CSMD1: variants seen among roughly 807,000 people sequenced by gnomAD.
The protein encoded by CSMD1 is CUB and Sushi multiple domains 1, also known as CUB and sushi domain-containing protein 1.
Under a neutral mutation model 417.5 loss-of-function variants are expected in CSMD1, and 213 were observed. The ratio of observed to expected loss-of-function variants is 0.51; its 90% CI spans 0.46 to 0.57. CSMD1 has a LOEUF of 0.57. Ranked by LOEUF, CSMD1 falls within the 20% of genes least tolerant of loss-of-function variation. The pLI, the probability that CSMD1 is intolerant of heterozygous loss-of-function variation, is 0.00. For synonymous variants in CSMD1, 2,862 were observed against 1,736.8 expected, an observed-to-expected ratio of 1.65 and a Z score of -16.11; for missense variants, 6,923 against 4,529.7, an observed-to-expected ratio of 1.53 and a Z score of -15.17.
At chr8:4,217,510 G>A (rs1800755308) in intron 3 of CSMD1, among the ~76,000 whole-genome samples, 1 of 152,182 alleles carries the variant, frequency 6.6e-6, no homozygotes, top group African/African-American at 2.4e-5. Flanking sequence ...TGGCATCAAG[G>A]GGAGGGAGAA....
At chr8:4,831,903 A>T (rs1433700046) in intron 1 of CSMD1, among the ~76,000 whole-genome samples, 1 of 152,106 alleles carries the variant, frequency 6.6e-6, no homozygotes, top group African/African-American at 2.4e-5. Context: ...AGCTGACACA[A>T]GCAGACACAC....
At chr8:4,112,822 C>A (rs968033408) in intron 3 of CSMD1, among the ~76,000 whole-genome samples, 2 of 152,174 alleles carry the variant, frequency 1.3e-5, no homozygotes, top group African/African-American at 4.8e-5. Context: ...TTGTTTATGG[C>A]TCTTCACTGT....
At chr8:4,180,157 G>T (rs1178394096) in intron 3 of CSMD1, among the ~76,000 whole-genome samples, 3 of 152,100 alleles carry the variant, frequency 2.0e-5, no homozygotes, top group African/African-American at 7.2e-5. Context: ...ATTCACGACA[G>T]CAAAGACTTG....
At position 3,581,459 on chromosome 8, in the gene CSMD1, G is replaced by T. The variant is rs78098149; in HGVS notation, c.1222+4677C>A. Among the ~76,000 whole-genome samples, 98 of 152,310 alleles carry T rather than the reference G, an allele frequency of 6.4e-4. No homozygotes were observed. The East Asian group carries it at 0.017, about 26-fold the overall frequency. Reference sequence around the variant, plus strand: ...TCTCAGAGCTAATTAGCTAATGTAAGCATTGGCTAACCACACCAGCCTCCA... The same window carrying T: ...TCTCAGAGCTAATTAGCTAATGTAATCATTGGCTAACCACACCAGCCTCCA... On this transcript the variant is annotated intron_variant, in intron 9 of 69. Transcript: ENST00000635120.
intron 3 of CSMD1, among the ~76,000 whole-genome samples, chr8:4,113,102 T>C (rs987257147): frequency 5.9e-5 from 9 of 152,278 alleles, no homozygotes; most frequent in Admixed American, 2.6e-4. Context: ...ATGATTAATG[T>C]GGTGTGTGTT....
chr8:4,181,144 T>C (rs559983323), intron 3 of CSMD1, among the ~76,000 whole-genome samples: 2 of 152,300 alleles, frequency 1.3e-5, no homozygotes, highest in Admixed American at 1.3e-4. Flanking sequence ...CAGCCATCTA[T>C]TTTGGTGTAT....
chr8:3,756,229 T>C (rs954904532), intron 5 of CSMD1, among the ~76,000 whole-genome samples: 2 of 151,770 alleles, frequency 1.3e-5, no homozygotes, highest in Non-Finnish European at 1.5e-5. Context: ...GGCGGGCGCC[T>C]GTAGTCCCAG....
chr8:3,789,208 G>C (rs530623361), intron 5 of CSMD1, among the ~76,000 whole-genome samples: 2 of 152,024 alleles, frequency 1.3e-5, no homozygotes, highest in Non-Finnish European at 2.9e-5. Context: ...CGCTGTGTAT[G>C]AGCAAGATAG....
At chr8:3,828,669 T>C (rs1322795603) in intron 5 of CSMD1, among the ~76,000 whole-genome samples, 2 of 152,280 alleles carry the variant, frequency 1.3e-5, no homozygotes, top group Middle Eastern at 3.4e-3. Flanking sequence ...TCGTCATCTT[T>C]CTACGGACCT....
intron 7 of CSMD1, among the ~76,000 whole-genome samples, chr8:3,674,011 TG>T (rs1799233190): frequency 6.6e-6 from 1 of 152,026 alleles, no homozygotes; most frequent in African/African-American, 2.4e-5. Flanking sequence ...CCAGCCACTG[TG>T]GGAGAATAAC....
intron 54 of CSMD1, among the ~76,000 whole-genome samples, chr8:2,979,692 C>G (rs1176822525): frequency 6.6e-6 from 1 of 152,134 alleles, no homozygotes; most frequent in Non-Finnish European, 1.5e-5. Context: ...TATTTCTTCT[C>G]TATTCAAAAA....
At chr8:3,744,367 C>G (rs1187730114) in intron 6 of CSMD1, among the ~76,000 whole-genome samples, 2 of 152,084 alleles carry the variant, frequency 1.3e-5, no homozygotes, top group South Asian at 2.1e-4. Context: ...AAACAGGGCA[C>G]AGCAGGACCA....
In CSMD1 at chr8:4,142,172, T is replaced by C. The variant is rs371041112; in HGVS notation, c.416-110073A>G. ...TTAAAAATGATACTGGTGAATACCA[T>C]CATGACTCAAGATAATCACCAGATT... On this transcript the variant is annotated intron_variant, in intron 3 of 69. Transcript: ENST00000635120. Among the ~76,000 whole-genome samples the C allele has an allele frequency of 5.7e-4, 87 of 151,336 alleles. 11 individuals carry two copies. Among genetic ancestry groups the C allele is most frequent in the African/African-American group, 2.1e-3 (85 of 40,624 alleles).
intron 4 of CSMD1, among the ~76,000 whole-genome samples, chr8:4,026,813 C>T (rs1468594455): frequency 2.0e-5 from 3 of 152,122 alleles, no homozygotes; most frequent in Non-Finnish European, 4.4e-5. Context: ...AGATTTATGG[C>T]TGTAGGGAGA....
chr8:3,686,555 A>G (rs962356893), intron 7 of CSMD1, among the ~76,000 whole-genome samples: 11 of 152,352 alleles, frequency 7.2e-5, no homozygotes, highest in African/African-American at 2.4e-4. Context: ...TAGAATTCCC[A>G]TACGAAATAT....
intron 12 of CSMD1, among the ~76,000 whole-genome samples, chr8:3,449,515 C>G (rs1024738505): frequency 6.7e-6 from 1 of 149,912 alleles, no homozygotes; most frequent in Non-Finnish European, 1.5e-5. Flanking sequence ...CCTCTCATGA[C>G]AGCAATTTTT....
intron 4 of CSMD1, among the ~76,000 whole-genome samples, chr8:4,021,843 C>G (rs1175054972): frequency 2.6e-5 from 4 of 152,008 alleles, no homozygotes; most frequent in Non-Finnish European, 5.9e-5. Flanking sequence ...CTAGTTGGCT[C>G]AGAGATAACA....
At chr8:3,591,367 A>G (rs1800836735) in intron 8 of CSMD1, among the ~76,000 whole-genome samples, 1 of 152,148 alleles carries the variant, frequency 6.6e-6, no homozygotes, top group Non-Finnish European at 1.5e-5. Context: ...CAGTATAAAG[A>G]CTCTTTCTAA....
intron 5 of CSMD1, among the ~76,000 whole-genome samples, chr8:3,884,829 C>T (rs759645057): frequency 8.6e-5 from 13 of 151,644 alleles, no homozygotes; most frequent in South Asian, 2.1e-4. Flanking sequence ...ATCTCTACTT[C>T]GTCGTCAGTC....
Sources: allele counts gnomAD v4.1 joint callset (sites outside exome capture counted in the v4.1 genomes callset), GRCh38; gene constraint gnomAD v4.1.1; transcripts MANE v1.5; gene names NCBI Gene and HGNC (gene_info 2026-07-23, HGNC 2026-07-21).